Variants in TAFA5 observed in about 807,000 individuals in gnomAD.
The protein encoded by TAFA5 is chemokine-like protein TAFA-5.
Under a neutral mutation model 15.3 loss-of-function variants are expected in TAFA5, and 6 were observed. The observed-to-expected ratio is 0.39, with a 90% CI of 0.21 to 0.77. The LOEUF is 0.77. TAFA5 is among the 30% of genes least tolerant of loss of function. The probability of loss-of-function intolerance (pLI) is 0.41; values close to 1 mark genes in which losing one functional copy is unlikely to be tolerated. For missense variants in TAFA5, 161 were observed against 193.1 expected, an observed-to-expected ratio of 0.83 and a Z score of 0.98; for synonymous variants, 103 against 80.7, an observed-to-expected ratio of 1.28 and a Z score of -1.48.
intron 1 of TAFA5, among the ~76,000 whole-genome samples, chr22:48,587,820 A>C (rs1355142512): frequency 6.6e-6 from 1 of 152,212 alleles, no homozygotes; most frequent in Non-Finnish European, 1.5e-5. Context: ...AAATCAAATC[A>C]GCGGTTCGGA....
chr22:48,681,391 C>G (rs982985751), intron 2 of TAFA5, among the ~76,000 whole-genome samples: 1 of 151,846 alleles, frequency 6.6e-6, no homozygotes, highest in Non-Finnish European at 1.5e-5. Context: ...ACCTGTAATC[C>G]TAGCACTTTG....
At chr22:48,603,184 A>T (rs1925037305) in intron 1 of TAFA5, among the ~76,000 whole-genome samples, 1 of 152,200 alleles carries the variant, frequency 6.6e-6, no homozygotes, top group Admixed American at 6.5e-5. Context: ...GTGCCCGTGC[A>T]TTCCTCTGGG....
At chr22:48,609,918 T>C (rs28605056) in intron 1 of TAFA5, among the ~76,000 whole-genome samples, 12,297 of 152,238 alleles carry the variant, frequency 0.081, 578 homozygotes, top group South Asian at 0.19. Context: ...TAACCTCCTC[T>C]TGTAGTGAGG....
intron 1 of TAFA5, among the ~76,000 whole-genome samples, chr22:48,590,066 G>A (rs1298413779): frequency 6.6e-6 from 1 of 152,102 alleles, no homozygotes; most frequent in Admixed American, 6.5e-5. Context: ...GCTGGCGGAT[G>A]GGGCCTGGGT....
intron 3 of TAFA5, among the ~76,000 whole-genome samples, chr22:48,719,146 G>T (rs1010943290): frequency 7.9e-5 from 12 of 152,164 alleles, no homozygotes; most frequent in African/African-American, 2.9e-4. Flanking sequence ...CATTCCTCTC[G>T]CCAGGGGCCC....
chr22:48,671,023 A>G (rs985933092), intron 2 of TAFA5, among the ~76,000 whole-genome samples: 10 of 152,256 alleles, frequency 6.6e-5, no homozygotes, highest in African/African-American at 1.7e-4. Context: ...GGAATTTATT[A>G]GAAAATGCTA....
At chr22:48,576,497 C>A (rs745768555) in intron 1 of TAFA5, 13 of 1,488,366 alleles carry the variant, frequency 8.7e-6, no homozygotes, top group Non-Finnish European at 1.2e-5. Flanking sequence ...CTCCTGAAGG[C>A]GCTCTGGGCA....
rs187996273 is a variant in TAFA5, at chr22:48,586,568, C to T, written c.113-60029C>T. Among the ~76,000 whole-genome samples the T allele has an allele frequency of 1.2e-3, 184 of 152,352 alleles. 4 individuals carry two copies. In the East Asian group the frequency reaches 0.031, roughly 26 times the overall value. On this transcript the variant is annotated intron_variant, in intron 1 of 3. Transcript: ENST00000402357. Reference sequence around the variant, plus strand: ...CACCCCTGCCAAGTGCTGGGCGTGTCTGTGGAGCAGATGAGGCCACAGGCA... The same window carrying T: ...CACCCCTGCCAAGTGCTGGGCGTGTTTGTGGAGCAGATGAGGCCACAGGCA...
At chr22:48,740,079 C>G (rs937203251) in intron 3 of TAFA5, among the ~76,000 whole-genome samples, 1 of 152,198 alleles carries the variant, frequency 6.6e-6, no homozygotes, top group Non-Finnish European at 1.5e-5. Context: ...CCCATCCCAG[C>G]TGGCTTGTCC....
At chr22:48,665,578 A>G (rs1256571371) in intron 2 of TAFA5, among the ~76,000 whole-genome samples, 1 of 152,120 alleles carries the variant, frequency 6.6e-6, no homozygotes, top group African/African-American at 2.4e-5. Context: ...ATGGATCTCA[A>G]GGCACATTTT....
chr22:48,617,147 C>G (rs1258832381), intron 1 of TAFA5, among the ~76,000 whole-genome samples: 1 of 152,158 alleles, frequency 6.6e-6, no homozygotes, highest in Admixed American at 6.5e-5. Context: ...GCAAGAGGGT[C>G]TTGCAGATGT....
chr22:48,564,410 G>T (rs551043998), intron 1 of TAFA5, among the ~76,000 whole-genome samples: 11 of 152,374 alleles, frequency 7.2e-5, no homozygotes, highest in African/African-American at 2.6e-4. Flanking sequence ...CTGACCAAGT[G>T]CTGACCTTTT....
intron 3 of TAFA5, among the ~76,000 whole-genome samples, chr22:48,732,379 C>G (rs1336311645): frequency 1.3e-5 from 2 of 152,154 alleles, no homozygotes; most frequent in Non-Finnish European, 2.9e-5. Flanking sequence ...GCCTCAGCCT[C>G]CCGAGTAGGT....
rs986389232 is a variant in TAFA5 at position 48,751,258 on chromosome 22, CTG to C, written c.*1415_*1416del. 1.3e-5 allele frequency: 2 copies of C among 152,484 alleles called. No homozygotes were observed. Among genetic ancestry groups the C allele is most frequent in the Non-Finnish European group, 2.9e-5 (2 of 68,058 alleles). 9.4% of individuals were successfully genotyped at this position (152,484 alleles called of 1,614,324 possible). A position where few individuals can be genotyped will look rare whatever the true frequency, so the allele number is the denominator to read the frequency against. On this transcript the variant is annotated 3_prime_UTR_variant, in exon 4 of 4. Transcript: ENST00000402357. The stretch of plus-strand genomic sequence containing the variant: ...CAGTTGACGGCCCTTCTCCCCACGC[CTG>C]TGTCCCCGCGTTCTGAGAAGTCCTC...
In TAFA5 at chr22:48,747,004, C is replaced by T. The variant is rs143835850; in HGVS notation, c.391-2835C>T. ...CCCATACCCTACAGAGTGGGCTCAA[C>T]GCCCTGGAGCCCAGGAAGGAGTGGT... On this transcript the variant is annotated intron_variant, in intron 3 of 3. Transcript: ENST00000402357. Among the ~76,000 whole-genome samples, 110 of 152,314 alleles carry T rather than the reference C, an allele frequency of 7.2e-4. 1 individual carries two copies. The highest frequency in any genetic ancestry group is 3.0e-3 in the Admixed American group (46 of 15,308).
chr22:48,545,762 A>C (rs1922642585), intron 1 of TAFA5: 3 of 152,472 alleles, frequency 2.0e-5, no homozygotes. Flanking sequence ...TGCCCCAAGG[A>C]GATTGTCGCC....
intron 2 of TAFA5, among the ~76,000 whole-genome samples, chr22:48,698,227 GTGA>G (rs1928788722): frequency 6.6e-6 from 1 of 151,592 alleles, no homozygotes; most frequent in Non-Finnish European, 1.5e-5. Context: ...AATGGCAGTG[GTGA>G]TGATGATGGC....
chr22:48,670,625 G>A (rs1221605384), intron 2 of TAFA5, among the ~76,000 whole-genome samples: 2 of 152,248 alleles, frequency 1.3e-5, no homozygotes, highest in Non-Finnish European at 2.9e-5. Context: ...GGGCAGGGTC[G>A]AACCCAAGGT....
intron 2 of TAFA5, among the ~76,000 whole-genome samples, chr22:48,689,644 C>T (rs1241927771): frequency 9.7e-6 from 1 of 103,312 alleles, no homozygotes; most frequent in Admixed American, 9.1e-5. Flanking sequence ...CTAGGTCACC[C>T]GTGTAGCCCC....
Sources: gnomAD v4.1 joint callset for allele counts (sites outside exome capture counted in the v4.1 genomes callset) on GRCh38, gnomAD v4.1.1 for gene constraint, MANE v1.5 for transcripts, NCBI Gene and HGNC (gene_info 2026-07-23, HGNC 2026-07-21) for gene names.